The following PCDHGA9 variants were observed in gnomAD, a reference collection of about 807,000 sequenced individuals.
The protein encoded by PCDHGA9 is protocadherin gamma subfamily A, 9.
In PCDHGA9, 37 loss-of-function variants were observed where a neutral mutation model predicts 62.5. That is an observed-to-expected ratio of 0.59 (90% CI 0.46 to 0.78). The LOEUF is 0.78. Among genes scored for constraint, PCDHGA9 ranks in the 30% least tolerant of loss-of-function variants. The pLI is 0.00. For synonymous variants in PCDHGA9, 459 were observed against 484.6 expected, an observed-to-expected ratio of 0.95 and a Z score of 0.69; for missense variants, 1,138 against 1,166.2, an observed-to-expected ratio of 0.98 and a Z score of 0.35.
At chr5:141,505,238 G>A (rs1254100882) in intron 2 of PCDHGA9, 155 bp from the exon 3 acceptor site, 2 of 890,422 alleles carry the variant, frequency 2.2e-6, no homozygotes, top group South Asian at 5.2e-5. Context: ...GGCTTCTGAA[G>A]GATTGTAGAA....
chr5:141,431,560 C>T lies in PCDHGA9; in HGVS notation c.2424+26184C>T, dbSNP rs751276470. On this transcript the variant is annotated intron_variant, in intron 1 of 3. Coordinates refer to ENST00000573521, the MANE Select transcript of PCDHGA9 (RefSeq NM_018921.3). This position sits in a 1 kb window ranked among gnomAD's most constrained non-coding sequence, Gnocchi z 4.8. ...CGCAGCTGCTTGTAGTCAACGCTAC[C>T]GACCCTGACGAAGGAGTCAATGCGG... The T allele has an allele frequency of 6.2e-7, 1 of 1,614,104 alleles. No individual in the cohort carries two copies. The highest frequency in any genetic ancestry group is 1.7e-5 in the Admixed American group (1 of 60,036).
intron 1 of PCDHGA9, chr5:141,408,684 A>G (rs1660685979): frequency 6.2e-7 from 1 of 1,613,862 alleles, no homozygotes; most frequent in African/African-American, 1.3e-5. Context: ...ACGGATCCTG[A>G]TATAAACATA....
chr5:141,410,530 T>C (rs1400165380), intron 1 of PCDHGA9: 1 of 1,613,956 alleles, frequency 6.2e-7, no homozygotes, highest in South Asian at 1.1e-5. Context: ...TACATTCCAA[T>C]GAAGACATGG....
intron 1 of PCDHGA9, among the ~76,000 whole-genome samples, chr5:141,459,334 A>G (rs987526492): frequency 5.9e-5 from 9 of 152,116 alleles, no homozygotes; most frequent in Admixed American, 1.3e-4. Flanking sequence ...TTTTACTCCA[A>G]AGTTCTTGAA....
intron 1 of PCDHGA9, among the ~76,000 whole-genome samples, chr5:141,439,406 C>T (rs2098110611): frequency 6.6e-6 from 1 of 152,190 alleles, no homozygotes; most frequent in Non-Finnish European, 1.5e-5. Flanking sequence ...CATGTGCTAA[C>T]ATCACTGAGG....
In PCDHGA9 at chr5:141,404,232, G is replaced by GTCCAC. The variant is rs2094500642; in HGVS notation, c.1280_1281insTCCAC (p.Arg427SerfsTer18). On this transcript the variant is annotated frameshift_variant, in exon 1 of 4. Coordinates refer to ENST00000573521, the MANE Select transcript of PCDHGA9 (RefSeq NM_018921.3). LOFTEE classifies it high-confidence loss of function. ...AATATCACGGTGACTGCAACAGACAGAGGAACTCCGCCCCTGTCCACAGAA... is the reference window on the plus strand; with the variant it reads ...AATATCACGGTGACTGCAACAGACAGTCCACAGGAACTCCGCCCCTGTCCACAGAA... The GTCCAC allele has an allele frequency of 6.2e-7, 1 of 1,613,696 alleles. No homozygotes were observed. Among genetic ancestry groups the GTCCAC allele is most frequent in the African/African-American group, 1.3e-5 (1 of 74,916 alleles).
intron 2 of PCDHGA9, among the ~76,000 whole-genome samples, chr5:141,502,827 A>G (rs1003204508): frequency 2.7e-5 from 4 of 150,478 alleles, no homozygotes; most frequent in African/African-American, 9.8e-5. Flanking sequence ...TCCTTGGGGA[A>G]GCCTGGACTG....
At chr5:141,407,179 C>T (rs566759065) in intron 1 of PCDHGA9, among the ~76,000 whole-genome samples, 2 of 152,256 alleles carry the variant, frequency 1.3e-5, no homozygotes, top group South Asian at 2.1e-4. Context: ...GACATACAGA[C>T]ATTTTAATTA....
At chr5:141,412,922 A>G in intron 1 of PCDHGA9, 1 of 420,478 alleles carries the variant, frequency 2.4e-6, no homozygotes, top group Non-Finnish European at 4.2e-6. Flanking sequence ...ACTTGGGTGC[A>G]GTAACTTCTT....
chr5:141,410,155 G>T, intron 1 of PCDHGA9: 1 of 1,612,898 alleles, frequency 6.2e-7, no homozygotes. Context: ...ACGGTGGACA[G>T]CCGCCACTCT....
intron 1 of PCDHGA9, chr5:141,408,371 A>C (rs2095092452): frequency 6.2e-7 from 1 of 1,613,848 alleles, no homozygotes; most frequent in Non-Finnish European, 8.5e-7. Flanking sequence ...TCTAGGGCTC[A>C]GTGTCCTGGA....
chr5:141,413,636 T>G, intron 1 of PCDHGA9: 2 of 1,613,876 alleles, frequency 1.2e-6, no homozygotes, highest in South Asian at 2.2e-5. Context: ...GCTGCGGGAA[T>G]GCGTTTTCCT....
chr5:141,481,503 G>A (rs1006282101), intron 1 of PCDHGA9, among the ~76,000 whole-genome samples: 3 of 152,236 alleles, frequency 2.0e-5, no homozygotes, highest in African/African-American at 7.2e-5. Context: ...TGCATGGTAT[G>A]TGAATTATGT....
At chr5:141,410,369 A>G in intron 1 of PCDHGA9, 1 of 1,613,954 alleles carries the variant, frequency 6.2e-7, no homozygotes. Context: ...CAGCCCTGCT[A>G]CTTGGGACTG....
At chr5:141,436,318 CTG>C (rs1309397202) in intron 1 of PCDHGA9, among the ~76,000 whole-genome samples, 1 of 152,154 alleles carries the variant, frequency 6.6e-6, no homozygotes, top group Non-Finnish European at 1.5e-5. Flanking sequence ...ATAGTCAAGA[CTG>C]TTAGACCATA....
At chr5:141,470,648 C>T (rs1188305813) in intron 1 of PCDHGA9, among the ~76,000 whole-genome samples, 1 of 152,066 alleles carries the variant, frequency 6.6e-6, no homozygotes, top group Non-Finnish European at 1.5e-5. Context: ...TTTGAAGGCC[C>T]CTACCCTTTG....
intron 1 of PCDHGA9, chr5:141,419,006 A>T: frequency 6.2e-7 from 1 of 1,614,006 alleles, no homozygotes. Context: ...TGGGGAAGTC[A>T]GGTGTAGCTT....
rs779259588 is a variant in PCDHGA9, at chr5:141,405,232, C to T, written c.2280C>T (p.Thr760=). 5.0e-6 allele frequency: 8 copies of T among 1,613,990 alleles called. No homozygotes were observed. The highest frequency in any genetic ancestry group is 1.6e-4 in the Middle Eastern group (1 of 6,084). Residue 760 remains threonine, a synonymous_variant, in exon 1 of 4, where the codon ACC becomes ACT. Coordinates refer to ENST00000573521, the MANE Select transcript of PCDHGA9 (RefSeq NM_018921.3). ...LQTYSQEFSL[T]ADSRKSHLIF... ...CCTATTCTCAGGAGTTCTCCCTCAC[C>T]GCTGACTCAAGGAAGAGTCACCTGA...
intron 1 of PCDHGA9, chr5:141,418,471 G>A (rs199547102): frequency 1.9e-6 from 3 of 1,614,002 alleles, no homozygotes; most frequent in South Asian, 2.2e-5. Flanking sequence ...ACCGAGAAAC[G>A]CAGAGCGCTC....
Sources: gnomAD v4.1 joint callset for allele counts (sites outside exome capture counted in the v4.1 genomes callset) on GRCh38, gnomAD v4.1.1 for gene constraint, Gnocchi (gnomAD v3.1) non-coding constraint, MANE v1.5 for transcripts, NCBI Gene and HGNC (gene_info 2026-07-23, HGNC 2026-07-21) for gene names.